QKI: variants seen among roughly 807,000 people sequenced by gnomAD.
QKI encodes QKI, KH domain containing RNA binding.
QKI carries 10 observed loss-of-function variants against 39.0 expected under a neutral mutation model. The ratio of observed to expected loss-of-function variants is 0.26; its 90% CI spans 0.16 to 0.43. QKI has a LOEUF of 0.43. Ranked by LOEUF, QKI falls within the 20% of genes least tolerant of loss-of-function variation. QKI has a pLI of 1.00. For synonymous variants in QKI, 204 were observed against 155.4 expected, an observed-to-expected ratio of 1.31 and a Z score of -2.33; for missense variants, 218 against 428.0, an observed-to-expected ratio of 0.51 and a Z score of 4.33.
chr6:163,448,320 T>A (rs896404936), intron 1 of QKI, among the ~76,000 whole-genome samples: 5 of 151,432 alleles, frequency 3.3e-5, no homozygotes, highest in African/African-American at 9.8e-5. Flanking sequence ...ATCTAGGGAA[T>A]TACTAATAGC....
At chr6:163,553,942 A>G (rs1355530156) in intron 4 of QKI, among the ~76,000 whole-genome samples, 1 of 152,184 alleles carries the variant, frequency 6.6e-6, no homozygotes, top group Non-Finnish European at 1.5e-5. Flanking sequence ...AAAGTTGTTG[A>G]TTGGTTACAC....
chr6:163,415,788 C>T (rs972710270), intron 1 of QKI: 2 of 411,258 alleles, frequency 4.9e-6, no homozygotes, highest in East Asian at 8.0e-5. Context: ...CGAGCCTGCT[C>T]TGCGCGGACC....
intron 3 of QKI, among the ~76,000 whole-genome samples, chr6:163,483,324 T>A (rs970295278): frequency 6.6e-6 from 1 of 152,158 alleles, no homozygotes; most frequent in African/African-American, 2.4e-5. Flanking sequence ...TGGTTGCCAA[T>A]GGTTGGGGTG....
chr6:163,476,700 AGTGT>A (rs1236012812), intron 2 of QKI, among the ~76,000 whole-genome samples: 1 of 152,124 alleles, frequency 6.6e-6, no homozygotes, highest in Non-Finnish European at 1.5e-5. Context: ...TGCAAAACTC[AGTGT>A]GTGAGTGTCC....
At chr6:163,468,799 T>G (rs1260694925) in intron 2 of QKI, among the ~76,000 whole-genome samples, 1 of 152,238 alleles carries the variant, frequency 6.6e-6, no homozygotes, top group Non-Finnish European at 1.5e-5. Flanking sequence ...TTTAATTGAA[T>G]GAAGCTGCAG....
At position 163,517,086 on chromosome 6, in the gene QKI, TCTCTCTCTCTCTCTCTAG is replaced by T. The variant is rs1779870069; in HGVS notation, c.403-17887_403-17870del. The stretch of plus-strand genomic sequence containing the variant: ...CTCTCTCTCTCTCTCTCTCTTTCTC[TCTCTCTCTCTCTCTCTAG>T]CTCTCTCTAGCTCTCTCTGTCTCCC... On this transcript the variant is annotated intron_variant, in intron 3 of 7. Coordinates refer to ENST00000361752, the MANE Select transcript of QKI (RefSeq NM_006775.3). Among the ~76,000 whole-genome samples, 4 of 57,918 alleles carry T rather than the reference TCTCTCTCTCTCTCTCTAG, an allele frequency of 6.9e-5. No homozygotes were observed. The East Asian group carries it at 5.5e-3, about 79-fold the overall frequency. The allele number at this position is 57,918 out of a possible 152,430, so 38.0% of individuals were successfully genotyped here.
At chr6:163,492,162 C>T (rs762695562) in intron 3 of QKI, among the ~76,000 whole-genome samples, 2 of 152,088 alleles carry the variant, frequency 1.3e-5, no homozygotes, top group Non-Finnish European at 2.9e-5. Flanking sequence ...TTTCAAAACC[C>T]GTTAACCTTA....
intron 3 of QKI, among the ~76,000 whole-genome samples, chr6:163,512,748 A>G (rs1388801474): frequency 6.6e-6 from 1 of 152,164 alleles, no homozygotes; most frequent in Non-Finnish European, 1.5e-5. Context: ...GTGCTGGTCC[A>G]TAAAGCTTCA....
chr6:163,474,393 T>C (rs1234977), intron 2 of QKI, among the ~76,000 whole-genome samples: 9,158 of 152,064 alleles, frequency 0.06, 316 homozygotes, highest in South Asian at 0.094. Context: ...TATTTCCAGG[T>C]GATGTGATTG....
chr6:163,420,374 G>T (rs1787902914), intron 1 of QKI, among the ~76,000 whole-genome samples: 1 of 152,030 alleles, frequency 6.6e-6, no homozygotes, highest in African/African-American at 2.4e-5. Flanking sequence ...GCCCTTCTCT[G>T]TTGGAGATGG....
intron 3 of QKI, among the ~76,000 whole-genome samples, chr6:163,482,156 G>T (rs948085081): frequency 4.6e-5 from 7 of 152,058 alleles, no homozygotes. Context: ...CTGCACTCCA[G>T]CTTGGGTGAC....
rs1263104446 is a variant in QKI at position 163,499,026 on chromosome 6, A to G, written c.402+20130A>G. ...CAGTATTTTAAATTTTGTGCACGAA[A>G]CAAAGTTTGTGTATATTGAACTATC... On this transcript the variant is annotated intron_variant, in intron 3 of 7. Coordinates refer to ENST00000361752, the MANE Select transcript of QKI (RefSeq NM_006775.3). Among the ~76,000 whole-genome samples the G allele has an allele frequency of 2.6e-5, 4 of 152,304 alleles. No homozygotes were observed. The East Asian group carries it at 5.8e-4, about 22-fold the overall frequency.
chr6:163,457,652 G>A (rs1252721240), intron 2 of QKI: 1 of 310,574 alleles, frequency 3.2e-6, no homozygotes, highest in African/African-American at 2.6e-5. Context: ...TTTTTTTTTT[G>A]GAGAGGGGAC....
At chr6:163,478,919 A>G (rs1792839768) in intron 3 of QKI, 23 bp downstream of exon 3, 1 of 1,511,144 alleles carries the variant, frequency 6.6e-7, no homozygotes, top group Non-Finnish European at 9.1e-7. Flanking sequence ...AAATGGACTA[A>G]GTCTTTATGT....
At chr6:163,495,245 A>G in intron 3 of QKI, among the ~76,000 whole-genome samples, 1 of 152,180 alleles carries the variant, frequency 6.6e-6, no homozygotes. Flanking sequence ...AGAAACACAT[A>G]TAAAACTGAA....
intron 1 of QKI, among the ~76,000 whole-genome samples, chr6:163,425,741 G>A (rs1487502270): frequency 6.6e-6 from 1 of 152,132 alleles, no homozygotes; most frequent in African/African-American, 2.4e-5. Flanking sequence ...CTGAAGGATT[G>A]AGAACATGTG....
intron 4 of QKI, among the ~76,000 whole-genome samples, chr6:163,561,130 G>A (rs532224476): frequency 1.8e-4 from 28 of 152,164 alleles, no homozygotes; most frequent in African/African-American, 5.3e-4. Flanking sequence ...CAGAATATAC[G>A]GTTTTTTAGA....
intron 4 of QKI, among the ~76,000 whole-genome samples, chr6:163,553,673 A>G (rs554118812): frequency 2.0e-5 from 3 of 152,332 alleles, no homozygotes; most frequent in Non-Finnish European, 4.4e-5. Flanking sequence ...CACAGATTGT[A>G]TCGTATTTAG....
At chr6:163,528,737 A>G (rs1206768868) in intron 3 of QKI, among the ~76,000 whole-genome samples, 1 of 152,166 alleles carries the variant, frequency 6.6e-6, no homozygotes, top group Non-Finnish European at 1.5e-5. Context: ...CTGCTCTGCC[A>G]TCAAGTGTGA....
Sources: gnomAD v4.1 joint callset for allele counts (sites outside exome capture counted in the v4.1 genomes callset) on GRCh38, gnomAD v4.1.1 for gene constraint, MANE v1.5 for transcripts, NCBI Gene and HGNC (gene_info 2026-07-23, HGNC 2026-07-21) for gene names.